Variants in GLI2 observed in about 807,000 individuals in gnomAD.
The protein encoded by GLI2 is transcription activator GLI2.
In GLI2, 22 loss-of-function variants were observed where a neutral mutation model predicts 78.9. That is an observed-to-expected ratio of 0.28 (90% CI 0.20 to 0.40). The LOEUF (loss-of-function observed/expected upper bound fraction) is 0.40. Ranked by LOEUF, GLI2 falls within the 10% of genes least tolerant of loss-of-function variation. The pLI is 1.00. For missense variants in GLI2, 2,097 were observed against 2,213.2 expected, an observed-to-expected ratio of 0.95 and a Z score of 1.05; for synonymous variants, 974 against 963.7, an observed-to-expected ratio of 1.01 and a Z score of -0.20.
At chr2:120,765,537 G>A (rs2104650409) in intron 1 of GLI2, among the ~76,000 whole-genome samples, 1 of 152,330 alleles carries the variant, frequency 6.6e-6, no homozygotes, top group South Asian at 2.1e-4. Context: ...CCAGCTGACT[G>A]GGCAGGGACC....
chr2:120,982,082 T>C (rs1682741094), intron 10 of GLI2, among the ~76,000 whole-genome samples: 1 of 151,904 alleles, frequency 6.6e-6, no homozygotes, highest in Non-Finnish European at 1.5e-5. Context: ...ACCTAAAAGA[T>C]TGAGAGGGAG....
chr2:120,835,712 A>T (rs1686579329), intron 2 of GLI2, among the ~76,000 whole-genome samples: 1 of 152,040 alleles, frequency 6.6e-6, no homozygotes, highest in South Asian at 2.1e-4. Context: ...CCTTACATGT[A>T]ACTTTGCTCT....
chr2:120,947,496 C>T (rs966639036), intron 3 of GLI2, among the ~76,000 whole-genome samples: 8 of 152,300 alleles, frequency 5.3e-5, no homozygotes, highest in South Asian at 2.1e-4. Context: ...AGAGACATCT[C>T]GGAAGGCTTC....
Position 120,912,861 on chromosome 2 carries a change from C to T in GLI2, c.149-14500C>T, listed in dbSNP as rs568903105. ...AGGGAGGTGCTGTCGACCAGCTCTG[C>T]GCGGAGAGGTCAAGGGTGTGGAAGG... On this transcript the variant is annotated intron_variant, in intron 2 of 13. Coordinates refer to ENST00000361492, the MANE Select transcript of GLI2 (RefSeq NM_001374353.1). Among the ~76,000 whole-genome samples the T allele has an allele frequency of 2.1e-4, 32 of 152,186 alleles. No homozygotes were observed. The East Asian group carries it at 5.4e-3, about 26-fold the overall frequency.
At chr2:120,747,800 G>A (rs1034704747) in intron 1 of GLI2, among the ~76,000 whole-genome samples, 1 of 152,182 alleles carries the variant, frequency 6.6e-6, no homozygotes, top group Non-Finnish European at 1.5e-5. Context: ...CTGACAGTGG[G>A]GCTGTCAAAG....
At chr2:120,895,270 A>T (rs1038398841) in intron 2 of GLI2, among the ~76,000 whole-genome samples, 10 of 152,264 alleles carry the variant, frequency 6.6e-5, no homozygotes, top group African/African-American at 2.4e-4. Flanking sequence ...ACTTGGCTGT[A>T]AGTATGGAGC....
intron 1 of GLI2, among the ~76,000 whole-genome samples, chr2:120,762,538 C>T (rs1015416053): frequency 3.9e-5 from 6 of 152,188 alleles, no homozygotes; most frequent in Admixed American, 3.3e-4. Context: ...CCCAGGAAGG[C>T]ACAAGCACAC....
chr2:120,907,092 G>C (rs568243957), intron 2 of GLI2, among the ~76,000 whole-genome samples: 1 of 152,078 alleles, frequency 6.6e-6, no homozygotes, highest in Non-Finnish European at 1.5e-5. Flanking sequence ...TGTGCCCAGC[G>C]TCATTACATC....
chr2:120,836,747 T>G (rs1313129783), intron 2 of GLI2, among the ~76,000 whole-genome samples: 2 of 152,232 alleles, frequency 1.3e-5, no homozygotes, highest in Non-Finnish European at 2.9e-5. Context: ...AACGTGTGTT[T>G]CTTTCTCTGT....
Position 120,988,530 on chromosome 2 carries a change from C to T in GLI2, c.2565C>T (p.Cys855=), listed in dbSNP as rs1258805495. ...ASRRSSEASQ[C]SGGSGLLNLT... is the part of the protein sequence containing the mutation. ...GGCGCTCGAGCGAGGCCAGCCAGTG[C>T]AGCGGCGGCTCCGGGCTGCTCAACC... Residue 855 remains cysteine, a synonymous_variant, in exon 14 of 14, where the codon TGC becomes TGT. Transcript: ENST00000361492. The T allele has an allele frequency of 6.6e-7, 1 of 1,511,342 alleles. No individual in the cohort carries two copies. Among genetic ancestry groups the T allele is most frequent in the East Asian group, 2.7e-5 (1 of 37,362 alleles). The allele number at this position is 1,511,342 out of a possible 1,614,324, so 93.6% of individuals were successfully genotyped here. A position where few individuals can be genotyped will look rare whatever the true frequency, so the allele number is the denominator to read the frequency against.
At chr2:120,983,097 G>C (rs867357019) in intron 11 of GLI2, among the ~76,000 whole-genome samples, 2 of 152,066 alleles carry the variant, frequency 1.3e-5, no homozygotes, top group African/African-American at 4.8e-5. Context: ...AAGATGCCCC[G>C]TGAGGTCCCA....
At chr2:120,921,660 C>T (rs959889300) in intron 2 of GLI2, among the ~76,000 whole-genome samples, 2 of 152,168 alleles carry the variant, frequency 1.3e-5, no homozygotes, top group African/African-American at 2.4e-5. Flanking sequence ...GGATTCCTGG[C>T]GGATGGGCAC....
At chr2:120,830,395 G>A (rs537706327) in intron 2 of GLI2, among the ~76,000 whole-genome samples, 1 of 152,378 alleles carries the variant, frequency 6.6e-6, no homozygotes, top group South Asian at 2.1e-4. Context: ...AGAGGAGGAG[G>A]TTGGCCCTGC....
At chr2:120,803,949 A>C (rs1684819541) in intron 2 of GLI2, among the ~76,000 whole-genome samples, 1 of 152,146 alleles carries the variant, frequency 6.6e-6, no homozygotes, top group South Asian at 2.1e-4. Context: ...CCAGGCTAGC[A>C]TAGCTAGGGT....
At chr2:120,747,340 A>G (rs1196613766) in intron 1 of GLI2, among the ~76,000 whole-genome samples, 1 of 152,172 alleles carries the variant, frequency 6.6e-6, no homozygotes, top group African/African-American at 2.4e-5. Context: ...CAATTTGCAG[A>G]TGGGTAAGCA....
intron 2 of GLI2, among the ~76,000 whole-genome samples, chr2:120,915,959 TG>T (rs1459816541): frequency 1.3e-5 from 2 of 152,246 alleles, no homozygotes; most frequent in African/African-American, 4.8e-5. Context: ...GTTAGTACAA[TG>T]CCTAGTAGGC....
chr2:120,874,126 G>A (rs922306605), intron 2 of GLI2, among the ~76,000 whole-genome samples: 3 of 152,124 alleles, frequency 2.0e-5, no homozygotes, highest in African/African-American at 7.2e-5. Flanking sequence ...CAGAGTGACG[G>A]TGTTCAACCG....
In GLI2 at chr2:120,887,128, C is replaced by T. The variant is rs75866083; in HGVS notation, c.149-40233C>T. Among the ~76,000 whole-genome samples the T allele has an allele frequency of 1.2e-3, 178 of 152,310 alleles. 1 individual carries two copies. Among genetic ancestry groups the T allele is most frequent in the African/African-American group, 4.2e-3 (174 of 41,564 alleles). ...TGGCCCCCGATCAATGCCTGTGGTC[C>T]TTGAAAGCAGATGGCCAGATGCCCT... is the stretch of plus-strand genomic sequence containing the variant. On this transcript the variant is annotated intron_variant, in intron 2 of 13. Coordinates refer to ENST00000361492, the MANE Select transcript of GLI2 (RefSeq NM_001374353.1).
intron 1 of GLI2, among the ~76,000 whole-genome samples, chr2:120,782,288 A>C (rs1558793290): frequency 6.6e-6 from 1 of 152,150 alleles, no homozygotes; most frequent in Non-Finnish European, 1.5e-5. Context: ...GTTTTATGGC[A>C]GGTGGTAGAC....
Sources: allele counts gnomAD v4.1 joint callset (sites outside exome capture counted in the v4.1 genomes callset), GRCh38; gene constraint gnomAD v4.1.1; transcripts MANE v1.5; gene names NCBI Gene and HGNC (gene_info 2026-07-23, HGNC 2026-07-21).